Variants in PCDH15 observed in about 807,000 individuals in gnomAD.
The protein encoded by PCDH15 is protocadherin-15.
A neutral mutation model predicts 178.5 loss-of-function variants in PCDH15; 129 were observed. The observed-to-expected ratio is 0.72, with a 90% confidence interval of 0.63 to 0.84. The LOEUF is 0.84. Ranked by LOEUF, PCDH15 falls within the 40% of genes least tolerant of loss-of-function variation. PCDH15 has a pLI of 0.00. For missense variants in PCDH15, 2,230 were observed against 2,099.9 expected (o/e 1.06, Z -1.21); for synonymous variants, 800 against 732.0 (o/e 1.09, Z -1.50).
At chr10:54,261,529 G>C (rs1386165483) in intron 8 of PCDH15, among the ~76,000 whole-genome samples, 2 of 152,024 alleles carry the variant, frequency 1.3e-5, no homozygotes, top group African/African-American at 4.8e-5. Flanking sequence ...TAGAATTTTT[G>C]GGTGTAGTGG....
chr10:54,136,453 CA>C (rs1167465069), intron 14 of PCDH15, among the ~76,000 whole-genome samples: 1 of 141,458 alleles, frequency 7.1e-6, no homozygotes, highest in African/African-American at 2.6e-5. Flanking sequence ...AGCTTTCTTT[CA>C]AAAGCTAGGC....
chr10:54,383,115 A>G (rs1424169918), intron 3 of PCDH15, among the ~76,000 whole-genome samples: 1 of 152,130 alleles, frequency 6.6e-6, no homozygotes, highest in Non-Finnish European at 1.5e-5. Flanking sequence ...TTGAGCATAT[A>G]AAGGAGTTAT....
chr10:53,913,454 C>T (rs1001444868), intron 25 of PCDH15, among the ~76,000 whole-genome samples: 1 of 151,930 alleles, frequency 6.6e-6, no homozygotes, highest in African/African-American at 2.4e-5. Flanking sequence ...GAGCTTCTAG[C>T]CGGGCGCGGT....
At chr10:53,878,215 AATATATATATATAT>A (rs140273411) in intron 26 of PCDH15, among the ~76,000 whole-genome samples, 80 of 127,424 alleles carry the variant, frequency 6.3e-4, no homozygotes, top group Admixed American at 3.6e-3. Context: ...ACACACTTTG[AATATATATATATAT>A]ATATATATAT....
chr10:54,674,277 G>A (rs983084250), intron 1 of PCDH15, among the ~76,000 whole-genome samples: 2 of 152,064 alleles, frequency 1.3e-5, no homozygotes, highest in African/African-American at 4.8e-5. Flanking sequence ...AATGCTAATG[G>A]TGAATATTTT....
intron 1 of PCDH15, among the ~76,000 whole-genome samples, chr10:55,235,086 T>TG (rs796506137): frequency 8.2e-6 from 1 of 121,490 alleles, no homozygotes; most frequent in South Asian, 2.8e-4. Context: ...CGGAAAGAAG[T>TG]GAAAAAATAA....
intron 2 of PCDH15, among the ~76,000 whole-genome samples, chr10:55,522,020 A>T (rs1043314527): frequency 6.6e-6 from 1 of 151,912 alleles, no homozygotes; most frequent in African/African-American, 2.4e-5. Flanking sequence ...AAGTTACAAA[A>T]TTATAAGTTG....
chr10:54,933,011 T>C (rs1027447361), intron 2 of PCDH15, among the ~76,000 whole-genome samples: 1 of 152,166 alleles, frequency 6.6e-6, no homozygotes, highest in Admixed American at 6.6e-5. Flanking sequence ...ACTGTATCTT[T>C]TCTATGTTTT....
chr10:54,391,008 A>T (rs918376122), intron 3 of PCDH15, among the ~76,000 whole-genome samples: 1 of 152,180 alleles, frequency 6.6e-6, no homozygotes, highest in Non-Finnish European at 1.5e-5. Flanking sequence ...TCATAAAAAG[A>T]TGGGCTCCTT....
chr10:54,132,537 C>T (rs1444006732), intron 15 of PCDH15, among the ~76,000 whole-genome samples: 5 of 152,124 alleles, frequency 3.3e-5, no homozygotes, highest in African/African-American at 1.2e-4. Context: ...GCATACAAGA[C>T]AGAAAATAAT....
rs1400582520 is a variant in PCDH15, at chr10:53,810,677, C to G, written c.4563-13G>C. The G allele has an allele frequency of 6.2e-7, 1 of 1,602,328 alleles. No homozygotes were observed. The stretch of plus-strand genomic sequence containing the variant: ...AGGCATTTCATACCTGTAATATAAA[C>G]TTACATCTTTAAACAGTTTGTCATG... On this transcript the variant is annotated splice_polypyrimidine_tract_variant and intron_variant, in intron 36 of 37. Transcript: ENST00000644397.
At chr10:53,879,667 A>G (rs2080547146) in intron 26 of PCDH15, among the ~76,000 whole-genome samples, 1 of 152,204 alleles carries the variant, frequency 6.6e-6, no homozygotes, top group South Asian at 2.1e-4. Context: ...TTTCTCTCAA[A>G]TAGAAAGATC....
At chr10:54,761,487 G>A (rs1441323411) in intron 1 of PCDH15, among the ~76,000 whole-genome samples, 2 of 151,900 alleles carry the variant, frequency 1.3e-5, no homozygotes, top group African/African-American at 2.4e-5. Flanking sequence ...TTTGAGACCC[G>A]CCTGGCCAAC....
chr10:55,374,443 TC>T (rs1216719906), intron 2 of PCDH15, among the ~76,000 whole-genome samples: 4 of 152,054 alleles, frequency 2.6e-5, no homozygotes, highest in Admixed American at 6.6e-5. Context: ...CCTTGAGGAC[TC>T]CATTACCAAG....
chr10:53,814,476 TAAG>T lies in PCDH15; in HGVS notation c.4491+1760_4491+1762del, dbSNP rs570171943. On this transcript the variant is annotated intron_variant, in intron 35 of 37. Transcript: ENST00000644397. ...GGCATCAATTGCATTAAAAATGTAA[TAAG>T]AAGTATAGAAGGGATGCGGATAGGA... is the stretch of plus-strand genomic sequence containing the variant. Among the ~76,000 whole-genome samples, 6 of 152,150 alleles carry T rather than the reference TAAG, an allele frequency of 3.9e-5. No homozygotes were observed. In the East Asian group the frequency reaches 9.7e-4, roughly 25 times the overall value.
chr10:54,156,496 A>G (rs1288299696), intron 13 of PCDH15, among the ~76,000 whole-genome samples: 1 of 152,176 alleles, frequency 6.6e-6, no homozygotes, highest in African/African-American at 2.4e-5. Context: ...ATCTCATGAG[A>G]CTTGCTCACT....
At chr10:55,112,642 T>A (rs1837537466) in intron 2 of PCDH15, among the ~76,000 whole-genome samples, 1 of 152,074 alleles carries the variant, frequency 6.6e-6, no homozygotes, top group Admixed American at 6.6e-5. Context: ...AACAGGCATG[T>A]GCATTAAAGA....
At chr10:53,968,738 C>T (rs988384419) in intron 21 of PCDH15, among the ~76,000 whole-genome samples, 1 of 152,160 alleles carries the variant, frequency 6.6e-6, no homozygotes, top group East Asian at 1.9e-4. Context: ...CCCAGGCAAA[C>T]ACGGTCTGGA....
intron 2 of PCDH15, among the ~76,000 whole-genome samples, chr10:54,573,337 G>C (rs2090065594): frequency 1.3e-5 from 2 of 152,064 alleles, no homozygotes; most frequent in Non-Finnish European, 2.9e-5. Flanking sequence ...AAAGTGCTGA[G>C]GCTGTGTTTA....
Sources: allele counts gnomAD v4.1 joint callset (sites outside exome capture counted in the v4.1 genomes callset), GRCh38; gene constraint gnomAD v4.1.1; transcripts MANE v1.5; gene names NCBI Gene and HGNC (gene_info 2026-07-23, HGNC 2026-07-21).